Variants in ABCD4 observed in about 807,000 individuals in gnomAD.
The protein encoded by ABCD4 is ATP binding cassette subfamily D member 4.
ABCD4 carries 53 observed loss-of-function variants against 86.3 expected under a neutral mutation model. The observed-to-expected ratio is 0.61, with a 90% CI of 0.49 to 0.77. The LOEUF (loss-of-function observed/expected upper bound fraction) is 0.77, where lower values mean the gene tolerates loss of function less well. ABCD4 is among the 30% of genes least tolerant of loss of function. ABCD4 has a pLI of 0.00. For missense variants in ABCD4, 757 were observed against 764.5 expected (o/e 0.99, Z 0.12); for synonymous variants, 328 against 313.6 (o/e 1.05, Z -0.49).
At chr14:74,293,023 C>A in intron 8 of ABCD4, 131 bp downstream of exon 8, 1 of 1,436,698 alleles carries the variant, frequency 7.0e-7, no homozygotes, top group Admixed American at 1.8e-5. Flanking sequence ...CAACAGCCCC[C>A]CCTCCTCATC....
intron 1 of ABCD4, 150 bp from the exon 2 acceptor site, chr14:74,300,418 A>G (rs970931897): frequency 8.4e-6 from 5 of 593,458 alleles, no homozygotes; most frequent in Admixed American, 6.4e-5. Flanking sequence ...GGCTGGGAAC[A>G]GACCACGGAT....
chr14:74,289,394 C>G lies in ABCD4; in HGVS notation c.1456+89G>C, dbSNP rs750769731. The G allele has an allele frequency of 1.4e-4, 222 of 1,569,570 alleles. 1 individual carries two copies. The highest frequency in any genetic ancestry group is 2.6e-5 in the Non-Finnish European group (30 of 1,160,532). On this transcript the variant is annotated intron_variant, in intron 14 of 18. Transcript: ENST00000356924. ...AATCAGCGGCCTGGCTGGAGCCTCT[C>G]CCCAAGGGCACAGATGAGGCCACAG...
In ABCD4 at chr14:74,290,551, C is replaced by T. The variant is rs779015866; in HGVS notation, c.1119-52G>A. On this transcript the variant is annotated intron_variant, in intron 11 of 18. Transcript: ENST00000356924. Reference sequence around the variant, plus strand: ...AGGAAGATGGGCAGGGTCAGTATTGCTGTGGGGGAGGCACTGCTCCCGGGA... The same window carrying T: ...AGGAAGATGGGCAGGGTCAGTATTGTTGTGGGGGAGGCACTGCTCCCGGGA... 4.8e-6 allele frequency: 7 copies of T among 1,446,078 alleles called. No individual in the cohort carries two copies. The South Asian group carries it at 8.0e-5, about 17-fold the overall frequency. The allele number at this position is 1,446,078 out of a possible 1,614,324, so 89.6% of individuals were successfully genotyped here. A position where few individuals can be genotyped will look rare whatever the true frequency, so the allele number is the denominator to read the frequency against.
Position 74,292,798 on chromosome 14 carries a change from C to G in ABCD4, c.886G>C (p.Gly296Arg). 6.2e-7 allele frequency: 1 copy of G among 1,614,126 alleles called. No homozygotes were observed. Among genetic ancestry groups the G allele is most frequent in the Non-Finnish European group, 8.5e-7 (1 of 1,180,034 alleles). ...GCGGGACTCAGGTCTCCATAGACCC[C>G]GCTGAAAATGGGGATTGCGATGACA... is the stretch of plus-strand genomic sequence containing the variant. ...YVVIAIPIFS[G>R]VYGDLSPAEL... Residue 296 changes from glycine (G) to arginine (R), a missense_variant, in exon 9 of 19, where the codon GGG becomes CGG. Physicochemically the swap from Gly to Arg is moderately radical, Grantham distance 125. Coordinates refer to ENST00000356924, the MANE Select transcript of ABCD4 (RefSeq NM_005050.4).
intron 11 of ABCD4, 94 bp downstream of exon 11, chr14:74,292,193 C>T (rs1263351372): frequency 4.2e-6 from 5 of 1,178,360 alleles, no homozygotes; most frequent in Middle Eastern, 1.9e-4. Flanking sequence ...AACTCTGCTG[C>T]CCAGCTGGGA....
chr14:74,293,892 C>G (rs1435082192), intron 7 of ABCD4: 1 of 152,176 alleles, frequency 6.6e-6, no homozygotes, highest in Admixed American at 6.6e-5. Flanking sequence ...AGGAGGTGAT[C>G]TGGGGTTTCA....
intron 16 of ABCD4, 137 bp downstream of exon 16, chr14:74,288,070 G>A: frequency 1.8e-6 from 2 of 1,105,630 alleles, no homozygotes. Flanking sequence ...GTTCCCAAGG[G>A]CATAAACTTG....
In ABCD4 at chr14:74,285,978, G is replaced by C. The variant is rs2079660744; in HGVS notation, c.*483C>G. 1 of 153,440 alleles carries C rather than the reference G, an allele frequency of 6.5e-6. No individual in the cohort carries two copies. The highest frequency in any genetic ancestry group is 6.5e-5 in the Admixed American group (1 of 15,432). 9.5% of individuals were successfully genotyped at this position (153,440 alleles called of 1,614,324 possible). A position where few individuals can be genotyped will look rare whatever the true frequency, so the allele number is the denominator to read the frequency against. ...AAAAAGATCATTCCATGATAGAGAA[G>C]ACAGAAAGCTGTAATTCTTTTTAAT... is the stretch of plus-strand genomic sequence containing the variant. On this transcript the variant is annotated 3_prime_UTR_variant, in exon 19 of 19. Coordinates refer to ENST00000356924, the MANE Select transcript of ABCD4 (RefSeq NM_005050.4).
Position 74,295,911 on chromosome 14 carries a change from A to G in ABCD4, c.611T>C (p.Leu204Ser), listed in dbSNP as rs538521064. The G allele has an allele frequency of 2.8e-5, 45 of 1,613,228 alleles. 1 individual carries two copies. In the Admixed American group the frequency reaches 6.9e-4, roughly 25 times the overall value. The change falls in exon 6 of 19, where the codon TTG (leucine) becomes TCG (serine). Residue 204 changes from leucine (L) to serine (S), a missense_variant. Physicochemically the swap from Leu to Ser is moderately radical, Grantham distance 145 (BLOSUM62 -2). Coordinates refer to ENST00000356924, the MANE Select transcript of ABCD4 (RefSeq NM_005050.4). ...FILGTVVNKT[L>S]MGPIVMKLVH... ...CAGCTTCATCACAATGGGGCCCATC[A>G]AAGTTTTGTTCACCACGGTCCCCAG...
rs772552767 is a variant in ABCD4, at chr14:74,296,326, G to A, written c.542+7C>T. 1 of 1,612,902 alleles carries A rather than the reference G, an allele frequency of 6.2e-7. No individual in the cohort carries two copies. On this transcript the variant is annotated splice_region_variant and intron_variant, in intron 5 of 18. Transcript: ENST00000356924. ...AAACACCAGGCTGGGGAGGAGGGAG[G>A]CTTCACCTTTGGAAGCACTGGTAAG... is the stretch of plus-strand genomic sequence containing the variant.
At chr14:74,298,288 T>C (rs1322608946) in intron 3 of ABCD4, among the ~76,000 whole-genome samples, 3 of 152,188 alleles carry the variant, frequency 2.0e-5, no homozygotes, top group Non-Finnish European at 4.4e-5. Context: ...TTTTTTTCTC[T>C]GAGATGGAGT....
rs752015330 is a variant in ABCD4 at position 74,288,237 on chromosome 14, T to C, written c.1529A>G (p.Glu510Gly). 8.1e-5 allele frequency: 130 copies of C among 1,611,284 alleles called. No individual in the cohort carries two copies. The highest frequency in any genetic ancestry group is 1.1e-4 in the Non-Finnish European group (126 of 1,179,174). The change falls in exon 16 of 19, where the codon GAG (glutamate) becomes GGG (glycine). Residue 510 changes from glutamate to glycine, a missense_variant. Transcript: ENST00000356924. ...AGLSNLVART[E>G]GLDQQVDWNW... ...CCAGTCCACCTGCTGGTCCAGGCCC[T>C]CTGTCCTTGCCACCAAGTTGGACTG... is the stretch of plus-strand genomic sequence containing the variant.
intron 8 of ABCD4, 99 bp from the exon 9 acceptor site, chr14:74,292,968 T>TGGAC: frequency 6.4e-7 from 1 of 1,560,088 alleles, no homozygotes; most frequent in Non-Finnish European, 8.7e-7. Flanking sequence ...TAGGGCCACG[T>TGGAC]GGACTCTCTG....
At chr14:74,301,760 G>C (rs1382844685) in intron 1 of ABCD4, among the ~76,000 whole-genome samples, 1 of 152,060 alleles carries the variant, frequency 6.6e-6, no homozygotes, top group Non-Finnish European at 1.5e-5. Flanking sequence ...AATTAGCTGG[G>C]TGTGGTGGCG....
At chr14:74,299,338 G>A (rs1260838217) in intron 3 of ABCD4, 2 of 547,214 alleles carry the variant, frequency 3.7e-6, no homozygotes, top group Non-Finnish European at 6.4e-6. Context: ...CTGGGCCCAG[G>A]AGTGGAAACA....
intron 16 of ABCD4, 67 bp from the exon 17 acceptor site, chr14:74,287,953 G>A: frequency 7.0e-7 from 1 of 1,425,476 alleles, no homozygotes; most frequent in Non-Finnish European, 9.7e-7. Context: ...ACCTAGAATG[G>A]TCTGGGTAGG....
At position 74,292,305 on chromosome 14, in the gene ABCD4, C is replaced by T. The variant is rs777400331; in HGVS notation, c.1100G>A (p.Ser367Asn). 1.4e-5 allele frequency: 22 copies of T among 1,614,118 alleles called. 1 individual carries two copies. The South Asian group carries it at 2.2e-4, about 16-fold the overall frequency. ...KSQDCEILGE[S>N]EWGLDTPPGW... ...TACTCACGTGTCCAAGCCCCACTCG[C>T]TCTCGCCCAGGATCTCGCAGTCCTG... Residue 367 changes from serine (S) to asparagine (N), a missense_variant, in exon 11 of 19, where the codon AGC (serine) becomes AAC (asparagine). Coordinates refer to ENST00000356924, the MANE Select transcript of ABCD4 (RefSeq NM_005050.4).
chr14:74,288,026 G>A (rs2080306262), intron 16 of ABCD4, 140 bp from the exon 17 acceptor site: 9 of 1,048,606 alleles, frequency 8.6e-6, no homozygotes, highest in African/African-American at 1.6e-5. Flanking sequence ...TTCGACCATA[G>A]GCCTACAGCC....
At chr14:74,291,331 T>C (rs2081437200) in intron 11 of ABCD4, among the ~76,000 whole-genome samples, 1 of 152,244 alleles carries the variant, frequency 6.6e-6, no homozygotes, top group South Asian at 2.1e-4. Flanking sequence ...CTTATGGGAC[T>C]GATCTTACTC....
Sources: gnomAD v4.1 joint callset for allele counts (sites outside exome capture counted in the v4.1 genomes callset) on GRCh38, gnomAD v4.1.1 for gene constraint, MANE v1.5 for transcripts, NCBI Gene and HGNC (gene_info 2026-07-23, HGNC 2026-07-21) for gene names.